Variants in CNTNAP5 observed in about 807,000 individuals in gnomAD.
CNTNAP5 encodes contactin associated protein family member 5, also known as contactin-associated protein-like 5.
Under a neutral mutation model 150.2 loss-of-function variants are expected in CNTNAP5, and 72 were observed. That is an observed-to-expected ratio of 0.48 (90% CI 0.40 to 0.58). The LOEUF is 0.58. CNTNAP5 is among the 20% of genes least tolerant of loss of function. The pLI, the probability that CNTNAP5 is intolerant of heterozygous loss-of-function variation, is 0.00. For synonymous variants in CNTNAP5, 672 were observed against 619.8 expected, an observed-to-expected ratio of 1.08 and a Z score of -1.25; for missense variants, 1,636 against 1,626.2, an observed-to-expected ratio of 1.01 and a Z score of -0.10.
intron 19 of CNTNAP5, among the ~76,000 whole-genome samples, chr2:124,818,382 G>T (rs1443682017): frequency 6.6e-6 from 1 of 151,974 alleles, no homozygotes; most frequent in Non-Finnish European, 1.5e-5. Context: ...AATAAGCTTG[G>T]CATGGTGACA....
intron 4 of CNTNAP5, among the ~76,000 whole-genome samples, chr2:124,418,982 A>G (rs910949859): frequency 1.4e-5 from 2 of 144,532 alleles, no homozygotes; most frequent in African/African-American, 5.1e-5. Flanking sequence ...AAAATACAAA[A>G]AATTAGCCGG....
chr2:124,040,955 G>A (rs1267793214), intron 1 of CNTNAP5, among the ~76,000 whole-genome samples: 1 of 152,024 alleles, frequency 6.6e-6, no homozygotes, highest in Non-Finnish European at 1.5e-5. Flanking sequence ...GTGCATTCTT[G>A]GTTTTGTCCT....
At chr2:124,246,492 T>C (rs1312098233) in intron 3 of CNTNAP5, among the ~76,000 whole-genome samples, 1 of 152,142 alleles carries the variant, frequency 6.6e-6, no homozygotes, top group African/African-American at 2.4e-5. Context: ...CTGATTGGTG[T>C]GTAGACATGC....
chr2:124,318,015 T>C (rs1689009841), intron 3 of CNTNAP5, among the ~76,000 whole-genome samples: 2 of 152,122 alleles, frequency 1.3e-5, no homozygotes, highest in South Asian at 2.1e-4. Flanking sequence ...ATAGGGGAAA[T>C]GTAAAGGAAG....
chr2:124,043,541 A>G (rs1382124653), intron 1 of CNTNAP5, among the ~76,000 whole-genome samples: 2 of 152,002 alleles, frequency 1.3e-5, no homozygotes, highest in Non-Finnish European at 1.5e-5. Context: ...TTTCTATGAC[A>G]TGATTCCTTT....
chr2:124,314,626 G>A (rs1688919590), intron 3 of CNTNAP5, among the ~76,000 whole-genome samples: 1 of 151,930 alleles, frequency 6.6e-6, no homozygotes, highest in Non-Finnish European at 1.5e-5. Flanking sequence ...TTTTCGTTTA[G>A]AAATATAATG....
At position 124,790,147 on chromosome 2, in the gene CNTNAP5, T is replaced by C. The variant is rs532803719; in HGVS notation, c.2992+6T>C. 1 of 1,607,466 alleles carries C rather than the reference T, an allele frequency of 6.2e-7. No homozygotes were observed. Among genetic ancestry groups the C allele is most frequent in the Non-Finnish European group, 8.5e-7 (1 of 1,176,534 alleles). On this transcript the variant is annotated splice_donor_region_variant and intron_variant, in intron 18 of 23. Coordinates refer to ENST00000682447, the MANE Select transcript of CNTNAP5 (RefSeq NM_001367498.1). ...AGGGCCCTTTTGCAAAAAAGGTACC[T>C]TAGGCGCTCCTGTTTCTCCTGAGTG...
At chr2:124,319,681 G>A (rs879362134) in intron 3 of CNTNAP5, among the ~76,000 whole-genome samples, 9 of 152,240 alleles carry the variant, frequency 5.9e-5, no homozygotes, top group Admixed American at 1.3e-4. Context: ...ATAATTCTTC[G>A]TGGGGGCAAG....
intron 6 of CNTNAP5, among the ~76,000 whole-genome samples, chr2:124,454,413 T>C (rs1200827763): frequency 6.6e-6 from 1 of 152,144 alleles, no homozygotes; most frequent in African/African-American, 2.4e-5. Context: ...CAATTACTAC[T>C]AGACCTAACA....
chr2:124,890,241 G>C (rs114812513), intron 21 of CNTNAP5, among the ~76,000 whole-genome samples: 68 of 152,100 alleles, frequency 4.5e-4, no homozygotes, highest in Admixed American at 1.1e-3. Flanking sequence ...TCTTTCTCTG[G>C]TCATAGAAGC....
chr2:124,048,085 C>T (rs1681588527), intron 1 of CNTNAP5, among the ~76,000 whole-genome samples: 1 of 152,228 alleles, frequency 6.6e-6, no homozygotes, highest in African/African-American at 2.4e-5. Flanking sequence ...GTGTCTCTAA[C>T]ACATTCTGCC....
intron 4 of CNTNAP5, among the ~76,000 whole-genome samples, chr2:124,421,194 C>T (rs142533916): frequency 1.0e-3 from 152 of 152,186 alleles, no homozygotes; most frequent in Non-Finnish European, 1.8e-3. Context: ...CTGGTCACCC[C>T]ACATCTGTAT....
chr2:124,757,245 T>C (rs1680859673), intron 14 of CNTNAP5, among the ~76,000 whole-genome samples: 1 of 152,162 alleles, frequency 6.6e-6, no homozygotes, highest in Admixed American at 6.5e-5. Context: ...GATCCATGGG[T>C]AATCTCAGGG....
intron 6 of CNTNAP5, among the ~76,000 whole-genome samples, chr2:124,451,073 T>TACAC (rs1160652376): frequency 1.0e-5 from 1 of 97,734 alleles, no homozygotes; most frequent in African/African-American, 3.9e-5. Context: ...TATATATATA[T>TACAC]ATATACACAC....
Position 124,732,454 on chromosome 2 carries a change from A to G in CNTNAP5, c.2078-14775A>G, listed in dbSNP as rs539509636. On this transcript the variant is annotated intron_variant, in intron 13 of 23. Transcript: ENST00000682447. ...GACCATGAGGATAAAGTTCTCACGC[A>G]TAGGATTAATGCCCTTAGAAAACAG... Among the ~76,000 whole-genome samples the G allele has an allele frequency of 4.2e-4, 64 of 152,266 alleles. 1 individual carries two copies. In the South Asian group the frequency reaches 0.013, roughly 31 times the overall value.
At chr2:124,584,156 C>G (rs1014561457) in intron 11 of CNTNAP5, among the ~76,000 whole-genome samples, 1 of 152,158 alleles carries the variant, frequency 6.6e-6, no homozygotes, top group Non-Finnish European at 1.5e-5. Context: ...CTACACACAC[C>G]AGCCCTTACT....
chr2:124,307,583 G>A (rs114988088), intron 3 of CNTNAP5, among the ~76,000 whole-genome samples: 1,839 of 152,232 alleles, frequency 0.012, 39 homozygotes, highest in African/African-American at 0.042. Context: ...TTTGGCTTTA[G>A]CCTCAGCCAT....
chr2:124,829,769 C>G (rs1299890444), intron 19 of CNTNAP5, among the ~76,000 whole-genome samples: 1 of 151,642 alleles, frequency 6.6e-6, no homozygotes, highest in Non-Finnish European at 1.5e-5. Context: ...CAAAATAATA[C>G]TGTGGATGAT....
intron 12 of CNTNAP5, among the ~76,000 whole-genome samples, chr2:124,631,090 G>A (rs1314227028): frequency 6.6e-6 from 1 of 152,084 alleles, no homozygotes; most frequent in East Asian, 1.9e-4. Context: ...CAAGCAGATG[G>A]AAAAACACTA....
Sources: allele counts gnomAD v4.1 joint callset (sites outside exome capture counted in the v4.1 genomes callset), GRCh38; gene constraint gnomAD v4.1.1; transcripts MANE v1.5; gene names NCBI Gene and HGNC (gene_info 2026-07-23, HGNC 2026-07-21).